NRXN1: variants seen among roughly 807,000 people sequenced by gnomAD.
The protein encoded by NRXN1 is neurexin 1.
In NRXN1, 39 loss-of-function variants were observed where a neutral mutation model predicts 150.9. That is an observed-to-expected ratio of 0.26 (90% CI 0.20 to 0.34). The LOEUF is 0.34. NRXN1 is among the 10% of genes least tolerant of loss of function. The probability of loss-of-function intolerance (pLI) is 1.00; values close to 1 mark genes in which losing one functional copy is unlikely to be tolerated. For synonymous variants in NRXN1, 924 were observed against 757.0 expected (o/e 1.22, Z -3.62); for missense variants, 1,815 against 1,949.9 (o/e 0.93, Z 1.30).
chr2:50,743,755 T>C (rs1699709782), intron 5 of NRXN1, among the ~76,000 whole-genome samples: 1 of 152,172 alleles, frequency 6.6e-6, no homozygotes, highest in South Asian at 2.1e-4. Flanking sequence ...AGATTTCCTT[T>C]TCAGTGTTAA....
intron 5 of NRXN1, among the ~76,000 whole-genome samples, chr2:50,692,822 C>A (rs1427175209): frequency 3.3e-5 from 5 of 152,054 alleles, no homozygotes; most frequent in Admixed American, 2.0e-4. Flanking sequence ...CAGGAAAGCA[C>A]CCCATCAATC....
chr2:50,024,021 T>C (rs1339891300), intron 21 of NRXN1: 2 of 152,206 alleles, frequency 1.3e-5, no homozygotes, highest in Non-Finnish European at 2.9e-5. Context: ...TGGATGTCTG[T>C]CTAGATACAT....
intron 21 of NRXN1, among the ~76,000 whole-genome samples, chr2:50,024,311 G>A (rs1687966759): frequency 6.6e-6 from 1 of 152,118 alleles, no homozygotes; most frequent in African/African-American, 2.4e-5. Context: ...TTAACAAAAA[G>A]GACAGGTTTT....
intron 17 of NRXN1, among the ~76,000 whole-genome samples, chr2:50,295,843 A>G (rs1345233279): frequency 6.6e-6 from 1 of 152,214 alleles, no homozygotes; most frequent in African/African-American, 2.4e-5. Flanking sequence ...AAAATTCTAA[A>G]TTTTTACTGC....
At chr2:50,602,334 A>T (rs1676415513) in intron 8 of NRXN1, among the ~76,000 whole-genome samples, 1 of 152,126 alleles carries the variant, frequency 6.6e-6, no homozygotes, top group Non-Finnish European at 1.5e-5. Flanking sequence ...ACATCCTCAG[A>T]GAAGATTTTG....
intron 17 of NRXN1, among the ~76,000 whole-genome samples, chr2:50,354,696 A>G (rs1259572937): frequency 6.6e-6 from 1 of 151,448 alleles, no homozygotes; most frequent in Non-Finnish European, 1.5e-5. Flanking sequence ...TGTTACATAT[A>G]ATTCCTAATA....
intron 8 of NRXN1, among the ~76,000 whole-genome samples, chr2:50,566,497 C>T (rs895441616): frequency 2.6e-5 from 4 of 151,176 alleles, no homozygotes; most frequent in East Asian, 2.0e-4. Flanking sequence ...TCTGGTGATC[C>T]GCCTGCCTCA....
chr2:50,360,368 CAT>C (rs2079103383), intron 17 of NRXN1, among the ~76,000 whole-genome samples: 1 of 152,190 alleles, frequency 6.6e-6, no homozygotes, highest in Non-Finnish European at 1.5e-5. Context: ...AGACCCATCT[CAT>C]ATACACAGAC....
intron 17 of NRXN1, among the ~76,000 whole-genome samples, chr2:50,380,158 T>G (rs1310393643): frequency 6.6e-6 from 1 of 152,130 alleles, no homozygotes. Context: ...TCTTAGACAT[T>G]GGTTTTATGC....
At chr2:50,812,724 G>A (rs2105773527) in intron 5 of NRXN1, among the ~76,000 whole-genome samples, 1 of 56,174 alleles carries the variant, frequency 1.8e-5, no homozygotes, top group South Asian at 5.3e-4. Context: ...AATAATAAGA[G>A]TGTGTGTGTG....
intron 18 of NRXN1, 114 bp downstream of exon 18, chr2:50,236,675 T>C: frequency 3.3e-6 from 3 of 897,804 alleles, no homozygotes; most frequent in African/African-American, 1.7e-5. Context: ...ATATTTCCTA[T>C]AACAAAGTAC....
At chr2:50,845,556 C>G (rs1335261526) in intron 5 of NRXN1, among the ~76,000 whole-genome samples, 1 of 152,202 alleles carries the variant, frequency 6.6e-6, no homozygotes, top group African/African-American at 2.4e-5. Context: ...CATTTATTCA[C>G]TTGTTAACTC....
chr2:50,035,248 C>G (rs10176824), intron 21 of NRXN1, among the ~76,000 whole-genome samples: 4 of 151,870 alleles, frequency 2.6e-5, no homozygotes, highest in African/African-American at 7.3e-5. Flanking sequence ...ATCAGCATTT[C>G]TCATGATCTA....
intron 13 of NRXN1, among the ~76,000 whole-genome samples, chr2:50,503,719 A>G (rs1039338555): frequency 6.6e-6 from 1 of 152,202 alleles, no homozygotes; most frequent in South Asian, 2.1e-4. Context: ...ATCAAGCAAA[A>G]CTCTGCAATA....
chr2:49,952,724 C>G (rs1398774423), intron 21 of NRXN1, among the ~76,000 whole-genome samples: 1 of 152,046 alleles, frequency 6.6e-6, no homozygotes, highest in Non-Finnish European at 1.5e-5. Context: ...GAACTCCCTG[C>G]TCTCTTCTCA....
chr2:50,921,066 A>G (rs1378921284), intron 5 of NRXN1, among the ~76,000 whole-genome samples: 27 of 151,828 alleles, frequency 1.8e-4, no homozygotes, highest in Admixed American at 1.8e-3. Context: ...AATAATTAAA[A>G]AACAGAAACT....
rs887787005 is a variant in NRXN1, at chr2:50,091,732, G to T, written c.3547-238C>A. On this transcript the variant is annotated intron_variant, in intron 18 of 22. Transcript: ENST00000401669. ...GGCACACTTTCAAGGGAATTGAGCC[G>T]CCTTCTTCCCAGAGGTTGTCACAGA... Among the ~76,000 whole-genome samples the T allele has an allele frequency of 2.0e-5, 3 of 152,252 alleles. No homozygotes were observed. The East Asian group carries it at 5.8e-4, about 29-fold the overall frequency.
intron 3 of NRXN1, among the ~76,000 whole-genome samples, chr2:50,925,037 C>T (rs1041882961): frequency 7.2e-5 from 11 of 151,860 alleles, no homozygotes; most frequent in African/African-American, 2.7e-4. Flanking sequence ...TTCCCATATA[C>T]AAATATTAGT....
At chr2:49,988,012 A>G (rs759751328) in intron 21 of NRXN1, among the ~76,000 whole-genome samples, 1 of 152,106 alleles carries the variant, frequency 6.6e-6, no homozygotes, top group Non-Finnish European at 1.5e-5. Flanking sequence ...AAAAAGTAAC[A>G]AATATTACTT....
Sources: gnomAD v4.1 joint callset for allele counts (sites outside exome capture counted in the v4.1 genomes callset) on GRCh38, gnomAD v4.1.1 for gene constraint, MANE v1.5 for transcripts, NCBI Gene and HGNC (gene_info 2026-07-23, HGNC 2026-07-21) for gene names.